Variants in GRIP1 observed in about 807,000 individuals in gnomAD.
The protein encoded by GRIP1 is glutamate receptor-interacting protein 1.
GRIP1 carries 45 observed loss-of-function variants against 129.9 expected under a neutral mutation model. That is an observed-to-expected ratio of 0.35 (90% CI 0.27 to 0.44). The LOEUF is 0.44. Among genes scored for constraint, GRIP1 ranks in the 20% least tolerant of loss-of-function variants. The probability of loss-of-function intolerance (pLI) is 1.00; values close to 1 mark genes in which losing one functional copy is unlikely to be tolerated. For synonymous variants in GRIP1, 530 were observed against 520.8 expected, an observed-to-expected ratio of 1.02 and a Z score of -0.24; for missense variants, 1,196 against 1,396.8, an observed-to-expected ratio of 0.86 and a Z score of 2.29.
chr12:66,752,710 C>G (rs972148420), intron 1 of GRIP1, among the ~76,000 whole-genome samples: 10 of 152,110 alleles, frequency 6.6e-5, no homozygotes, highest in Non-Finnish European at 2.9e-5. Context: ...TTCTGTGAAG[C>G]TGTTAGTAAA....
chr12:66,590,054 T>C (rs1257535805), intron 2 of GRIP1, among the ~76,000 whole-genome samples: 1 of 152,138 alleles, frequency 6.6e-6, no homozygotes, highest in African/African-American at 2.4e-5. Context: ...ATAGCTCTTA[T>C]GGACATATCC....
chr12:66,535,522 T>C (rs898544222), intron 4 of GRIP1, among the ~76,000 whole-genome samples: 4 of 152,218 alleles, frequency 2.6e-5, no homozygotes, highest in African/African-American at 7.2e-5. Flanking sequence ...AGCTATTTTA[T>C]AGATTAGAAA....
chr12:66,820,041 T>C (rs1404798413), intron 1 of GRIP1, among the ~76,000 whole-genome samples: 2 of 152,220 alleles, frequency 1.3e-5, no homozygotes, highest in East Asian at 3.9e-4. Context: ...TCCTGAAACC[T>C]GCTGAGGTTC....
intron 23 of GRIP1, among the ~76,000 whole-genome samples, chr12:66,355,468 G>C (rs2054442700): frequency 6.6e-6 from 1 of 152,176 alleles, no homozygotes; most frequent in African/African-American, 2.4e-5. Context: ...CACTTATACA[G>C]GGATAGAGTA....
intron 1 of GRIP1, among the ~76,000 whole-genome samples, chr12:66,654,786 G>A (rs1302512022): frequency 6.6e-6 from 1 of 152,138 alleles, no homozygotes; most frequent in Non-Finnish European, 1.5e-5. Context: ...GGAAAGAGAT[G>A]TTTTAAAGGT....
At chr12:66,524,275 G>T (rs547007168) in intron 5 of GRIP1, among the ~76,000 whole-genome samples, 1 of 152,250 alleles carries the variant, frequency 6.6e-6, no homozygotes, top group Non-Finnish European at 1.5e-5. Context: ...CACATAGTTG[G>T]AAGTAAAGCA....
intron 1 of GRIP1, among the ~76,000 whole-genome samples, chr12:66,664,190 A>G (rs1164799901): frequency 6.6e-6 from 1 of 151,834 alleles, no homozygotes; most frequent in Non-Finnish European, 1.5e-5. Context: ...GGTTAGTTTT[A>G]TGAAGAACAA....
chr12:66,984,229 A>C (rs12298416), intron 1 of GRIP1, among the ~76,000 whole-genome samples: 86,374 of 152,012 alleles, frequency 0.57, 25,197 homozygotes, highest in Non-Finnish European at 0.62. Context: ...CAGAGAAAAT[A>C]CAGTCTGGAC....
chr12:66,495,685 G>A (rs2060219724), intron 7 of GRIP1, among the ~76,000 whole-genome samples: 2 of 152,098 alleles, frequency 1.3e-5, no homozygotes, highest in Non-Finnish European at 2.9e-5. Flanking sequence ...AATTCTGCGG[G>A]AAAGGCTGCC....
At chr12:66,992,739 T>C (rs2042411617) in intron 1 of GRIP1, among the ~76,000 whole-genome samples, 1 of 152,124 alleles carries the variant, frequency 6.6e-6, no homozygotes, top group African/African-American at 2.4e-5. Flanking sequence ...TGGAACAAAA[T>C]TAGAAATCAA....
intron 1 of GRIP1, among the ~76,000 whole-genome samples, chr12:66,859,503 A>G (rs1450870471): frequency 6.6e-6 from 1 of 151,836 alleles, no homozygotes; most frequent in East Asian, 1.9e-4. Context: ...ATACAAGTAG[A>G]AAAAAAAGTG....
intron 1 of GRIP1, among the ~76,000 whole-genome samples, chr12:66,890,864 AC>A (rs1214260088): frequency 1.3e-5 from 2 of 152,220 alleles, no homozygotes; most frequent in East Asian, 3.8e-4. Flanking sequence ...CAGAATTGAA[AC>A]ACAGGCTGTG....
intron 1 of GRIP1, among the ~76,000 whole-genome samples, chr12:66,755,082 G>A (rs932464477): frequency 2.6e-5 from 4 of 152,080 alleles, no homozygotes; most frequent in African/African-American, 7.2e-5. Context: ...ACAAAAGAAA[G>A]TGGGCCAAAA....
At chr12:66,512,261 G>A (rs531095312) in intron 7 of GRIP1, among the ~76,000 whole-genome samples, 2 of 152,248 alleles carry the variant, frequency 1.3e-5, no homozygotes, top group South Asian at 4.1e-4. Flanking sequence ...ACTCGAAAAT[G>A]TGGAAGTGAC....
At chr12:67,034,844 C>T (rs1196272228) in intron 1 of GRIP1, among the ~76,000 whole-genome samples, 1 of 152,196 alleles carries the variant, frequency 6.6e-6, no homozygotes, top group Non-Finnish European at 1.5e-5. Context: ...CTGTCACTGA[C>T]CAAAACCTCA....
intron 1 of GRIP1, among the ~76,000 whole-genome samples, chr12:67,026,307 C>A (rs973616581): frequency 6.6e-6 from 1 of 152,140 alleles, no homozygotes; most frequent in Admixed American, 6.5e-5. Flanking sequence ...CTATAATTTT[C>A]CCCATAGTTC....
intron 1 of GRIP1, among the ~76,000 whole-genome samples, chr12:66,777,179 G>A (rs2038008284): frequency 6.6e-6 from 1 of 152,108 alleles, no homozygotes; most frequent in African/African-American, 2.4e-5. Flanking sequence ...CAACAAAGTG[G>A]CAAAGCCACA....
At chr12:66,400,009 G>A (rs1176918977) in intron 16 of GRIP1, among the ~76,000 whole-genome samples, 1 of 151,928 alleles carries the variant, frequency 6.6e-6, no homozygotes, top group South Asian at 2.1e-4. Flanking sequence ...GTGTTTCAGA[G>A]TAGAATTCAA....
intron 4 of GRIP1, among the ~76,000 whole-genome samples, chr12:66,535,951 TCAAGC>T: frequency 6.6e-6 from 1 of 152,208 alleles, no homozygotes; most frequent in Non-Finnish European, 1.5e-5. Flanking sequence ...ATGTAGTATT[TCAAGC>T]CATGAACTGC....
Sources: gnomAD v4.1 joint callset for allele counts (sites outside exome capture counted in the v4.1 genomes callset) on GRCh38, gnomAD v4.1.1 for gene constraint, MANE v1.5 for transcripts, NCBI Gene and HGNC (gene_info 2026-07-23, HGNC 2026-07-21) for gene names.